PIGK: variants seen among roughly 807,000 people sequenced by gnomAD.
The protein encoded by PIGK is phosphatidylinositol glycan anchor biosynthesis class K.
A neutral mutation model predicts 50.6 loss-of-function variants in PIGK; 42 were observed. The observed-to-expected ratio is 0.83, with a 90% CI of 0.65 to 1.07. PIGK has a LOEUF of 1.07. Ranked by LOEUF, PIGK falls within the 50% of genes least tolerant of loss-of-function variation. PIGK has a pLI of 0.00. For missense variants in PIGK, 448 were observed against 488.7 expected (o/e 0.92, Z 0.78); for synonymous variants, 151 against 156.0 (o/e 0.97, Z 0.24).
At chr1:77,194,728 A>G (rs1655991113) in intron 3 of PIGK, 1 of 321,048 alleles carries the variant, frequency 3.1e-6, no homozygotes, top group South Asian at 2.7e-5. Context: ...TGTACACCAA[A>G]CCCTGTGATA....
At position 77,117,371 on chromosome 1, in the gene PIGK, C is replaced by A. The variant is rs1654003357; in HGVS notation, c.1071+4904G>T. 3.3e-5 allele frequency among the ~76,000 whole-genome samples: 5 copies of A among 152,254 alleles called. No homozygotes were observed. In the South Asian group the frequency reaches 1.0e-3, roughly 32 times the overall value. On this transcript the variant is annotated intron_variant, in intron 10 of 10. Transcript: ENST00000370812. ...AACCATAATTTGGAAATGAACAGAA[C>A]CTTAAGTTGGAAATGATTTTCTCAC...
intron 3 of PIGK, among the ~76,000 whole-genome samples, chr1:77,171,409 C>T (rs1195660623): frequency 9.5e-6 from 1 of 105,538 alleles, no homozygotes; most frequent in Non-Finnish European, 2.0e-5. Context: ...TGCACTCCAG[C>T]CTGGGCAACA....
At chr1:77,111,699 T>C (rs1653848534) in intron 10 of PIGK, among the ~76,000 whole-genome samples, 1 of 152,100 alleles carries the variant, frequency 6.6e-6, no homozygotes, top group Non-Finnish European at 1.5e-5. Flanking sequence ...ATGGCATATG[T>C]ATACATATGT....
chr1:77,103,365 C>A (rs535421292), intron 10 of PIGK, among the ~76,000 whole-genome samples: 2 of 152,032 alleles, frequency 1.3e-5, no homozygotes, highest in Non-Finnish European at 2.9e-5. Flanking sequence ...AACCCATAGT[C>A]CCCTCAAATA....
chr1:77,129,013 C>T, intron 9 of PIGK: 1 of 718,942 alleles, frequency 1.4e-6, no homozygotes, highest in Non-Finnish European at 2.6e-6. Flanking sequence ...AACAGCAGAG[C>T]TGCATATTTA....
intron 3 of PIGK, among the ~76,000 whole-genome samples, chr1:77,193,036 CT>C (rs1458438369): frequency 1.3e-5 from 2 of 152,212 alleles, no homozygotes; most frequent in Non-Finnish European, 2.9e-5. Flanking sequence ...ATCAGAGCAC[CT>C]TTTACTGAAT....
intron 3 of PIGK, among the ~76,000 whole-genome samples, chr1:77,171,436 CAAAAAAAAAAA>C (rs58788160): frequency 1.9e-4 from 9 of 46,890 alleles, no homozygotes; most frequent in South Asian, 1.7e-3. Flanking sequence ...GACTCCACCT[CAAAAAAAAAAA>C]AAAAAAAAAA....
intron 10 of PIGK, among the ~76,000 whole-genome samples, chr1:77,115,452 T>A (rs1653939383): frequency 6.6e-6 from 1 of 151,952 alleles, no homozygotes; most frequent in Admixed American, 6.6e-5. Flanking sequence ...TTTTTTTTTT[T>A]AGCATCACAA....
chr1:77,128,648 A>C (rs1247064122), intron 9 of PIGK, among the ~76,000 whole-genome samples: 3 of 152,112 alleles, frequency 2.0e-5, no homozygotes, highest in African/African-American at 7.2e-5. Context: ...ATGTCAGAGA[A>C]AAAACTTGTC....
intron 9 of PIGK, among the ~76,000 whole-genome samples, chr1:77,143,523 A>T (rs1047450098): frequency 1.3e-5 from 2 of 152,096 alleles, no homozygotes; most frequent in African/African-American, 4.8e-5. Flanking sequence ...AAAGCCATAT[A>T]AAAAAATTTA....
intron 10 of PIGK, among the ~76,000 whole-genome samples, chr1:77,106,739 T>G (rs1472537797): frequency 6.6e-6 from 1 of 152,236 alleles, no homozygotes; most frequent in Non-Finnish European, 1.5e-5. Flanking sequence ...ATAATTTAGT[T>G]ATACTAGATA....
intron 10 of PIGK, among the ~76,000 whole-genome samples, chr1:77,117,242 T>G (rs1653998801): frequency 6.6e-6 from 1 of 152,262 alleles, no homozygotes; most frequent in Non-Finnish European, 1.5e-5. Flanking sequence ...TTTGGTTTGC[T>G]CTTTCATTTA....
Position 77,161,315 on chromosome 1 carries a change from G to A in PIGK, c.793C>T (p.Gln265Ter). The part of the protein sequence containing the change: ...EFLEEINPAS[Q>*]TNMNDLFQVC... ...CTTACAAGGTCATTCATATTAGTTT[G>A]GCTAGCTGGGTTAATTTCTTCCAAA... Residue 265 changes from glutamine to a stop codon, truncating the protein, a stop_gained, in exon 8 of 11, where the codon CAA becomes TAA. Coordinates refer to ENST00000370812, the MANE Select transcript of PIGK (RefSeq NM_005482.3). LOFTEE classifies it high-confidence loss of function. 1 of 1,552,506 alleles carries A rather than the reference G, an allele frequency of 6.4e-7. No homozygotes were observed. The highest frequency in any genetic ancestry group is 8.9e-7 in the Non-Finnish European group (1 of 1,124,226).
At chr1:77,092,539 A>C (rs1290401451) in intron 10 of PIGK, 49 bp from the exon 11 acceptor site, 4 of 961,452 alleles carry the variant, frequency 4.2e-6, no homozygotes, top group Non-Finnish European at 6.6e-6. Flanking sequence ...TAAATAATTC[A>C]GCAATCAATA....
chr1:77,140,106 GGA>G (rs1351814043), intron 9 of PIGK, among the ~76,000 whole-genome samples: 1 of 152,100 alleles, frequency 6.6e-6, no homozygotes, highest in Admixed American at 6.5e-5. Context: ...CCCCAATGCT[GGA>G]GGTGGTGCCT....
chr1:77,117,037 T>C (rs535865249), intron 10 of PIGK, among the ~76,000 whole-genome samples: 1 of 152,332 alleles, frequency 6.6e-6, no homozygotes, highest in East Asian at 1.9e-4. Context: ...ATTAGATAAT[T>C]TGCCACCATT....
At chr1:77,214,945 A>C (rs930175149) in intron 1 of PIGK, among the ~76,000 whole-genome samples, 2 of 152,182 alleles carry the variant, frequency 1.3e-5, no homozygotes, top group African/African-American at 4.8e-5. Context: ...TTTAACCAAG[A>C]AGTGAAAAAT....
In PIGK at chr1:77,092,208, A is replaced by G. The variant is rs1402647969; in HGVS notation, c.*166T>C. 4.5e-6 allele frequency: 2 copies of G among 446,392 alleles called. No homozygotes were observed. Among genetic ancestry groups the G allele is most frequent in the East Asian group, 4.1e-5 (1 of 24,592 alleles). The allele number at this position is 446,392 out of a possible 1,614,324, so 27.7% of individuals were successfully genotyped here. On this transcript the variant is annotated 3_prime_UTR_variant, in exon 11 of 11. Coordinates refer to ENST00000370812, the MANE Select transcript of PIGK (RefSeq NM_005482.3). Reference sequence around the variant, plus strand: ...TTTAGTGCCATTAAGCAGTTGCATTAACAATTATTTTTCTTTAAGTTATAA... The same window carrying G: ...TTTAGTGCCATTAAGCAGTTGCATTGACAATTATTTTTCTTTAAGTTATAA...
At chr1:77,181,463 TA>T (rs554745161) in intron 3 of PIGK, among the ~76,000 whole-genome samples, 398 of 152,264 alleles carry the variant, frequency 2.6e-3, no homozygotes, top group African/African-American at 9.3e-3. Context: ...TTGTATTGGT[TA>T]AAATGTTTTT....
Sources: gnomAD v4.1 joint callset for allele counts (sites outside exome capture counted in the v4.1 genomes callset) on GRCh38, gnomAD v4.1.1 for gene constraint, MANE v1.5 for transcripts, NCBI Gene and HGNC (gene_info 2026-07-23, HGNC 2026-07-21) for gene names.